CPAMD8: variants seen among roughly 807,000 people sequenced by gnomAD.
The protein encoded by CPAMD8 is C3 and PZP-like alpha-2-macroglobulin domain-containing protein 8.
In CPAMD8, 146 loss-of-function variants were observed where a neutral mutation model predicts 224.7. The observed-to-expected ratio is 0.65, with a 90% CI of 0.57 to 0.75. The LOEUF (loss-of-function observed/expected upper bound fraction) is 0.75, where lower values mean the gene tolerates loss of function less well. CPAMD8 is among the 30% of genes least tolerant of loss of function. The pLI is 0.00. For missense variants in CPAMD8, 2,301 were observed against 2,537.5 expected, an observed-to-expected ratio of 0.91 and a Z score of 2.00; for synonymous variants, 966 against 1,044.6, an observed-to-expected ratio of 0.92 and a Z score of 1.45.
chr19:16,979,447 A>AATCCATCCATTTATCTATC (rs1568556469), intron 14 of CPAMD8, among the ~76,000 whole-genome samples: 3 of 132,890 alleles, frequency 2.3e-5, no homozygotes, highest in African/African-American at 5.3e-5. Flanking sequence ...TCCATCTATC[A>AATCCATCCATTTATCTATC]ATCCACCCAT....
rs797004633 is a variant in CPAMD8, at chr19:16,899,903, T to TTA, written c.4774-355_4774-354insTA. Among the ~76,000 whole-genome samples, 28 of 151,682 alleles carry TTA rather than the reference T, an allele frequency of 1.8e-4. 1 individual carries two copies. The highest frequency in any genetic ancestry group is 6.5e-4 in the African/African-American group (27 of 41,372). On this transcript the variant is annotated intron_variant, in intron 36 of 41. Transcript: ENST00000443236. This position sits in a 1 kb window ranked among gnomAD's most constrained non-coding sequence, Gnocchi z 5.4. Reference sequence around the variant, plus strand: ...AGTTCCCCTCCCAGCCTGGGATTTTTTTTTTTTTTTCAGTTTTTGATTTAA... The same window carrying TTA: ...AGTTCCCCTCCCAGCCTGGGATTTTTTATTTTTTTTTTCAGTTTTTGATTTAA...
chr19:16,921,819 G>T, intron 27 of CPAMD8, 86 bp downstream of exon 27: 1 of 839,146 alleles, frequency 1.2e-6, no homozygotes, highest in East Asian at 2.7e-5. Flanking sequence ...CAGGCGCCAA[G>T]TGATCTGGTC....
intron 3 of CPAMD8, among the ~76,000 whole-genome samples, chr19:17,015,503 C>G (rs1303898325): frequency 6.6e-6 from 1 of 152,162 alleles, no homozygotes; most frequent in African/African-American, 2.4e-5. Flanking sequence ...CCAGCCCTCT[C>G]TCCAGCCACC....
At position 16,970,871 on chromosome 19, in the gene CPAMD8, C is replaced by T; in HGVS notation, c.2213+20G>A. On this transcript the variant is annotated intron_variant, in intron 18 of 41. Transcript: ENST00000443236. ...ATAGGACCAGGGTTAGAAAACCTTG[C>T]TCAATGTATAAGCCGTTACCTGGGG... is the stretch of plus-strand genomic sequence containing the variant. 1.2e-6 allele frequency: 2 copies of T among 1,611,408 alleles called. No individual in the cohort carries two copies. Among genetic ancestry groups the T allele is most frequent in the Non-Finnish European group, 1.7e-6 (2 of 1,178,736 alleles).
At position 16,980,698 on chromosome 19, in the gene CPAMD8, A is replaced by G; in HGVS notation, c.1396-12T>C. ...GCTTCTTCCCCAACCTATGGAAGAC[A>G]CGCAGCATGGGGGGCTCTGCCTCGC... On this transcript the variant is annotated splice_polypyrimidine_tract_variant and intron_variant, in intron 13 of 41. Coordinates refer to ENST00000443236, the MANE Select transcript of CPAMD8 (RefSeq NM_015692.5). 1 of 1,517,570 alleles carries G rather than the reference A, an allele frequency of 6.6e-7. No individual in the cohort carries two copies. The highest frequency in any genetic ancestry group is 8.8e-7 in the Non-Finnish European group (1 of 1,132,702). The allele number at this position is 1,517,570 out of a possible 1,614,324, so 94.0% of individuals were successfully genotyped here.
At chr19:17,009,972 TAC>T (rs2056603251) in intron 5 of CPAMD8, among the ~76,000 whole-genome samples, 1 of 152,142 alleles carries the variant, frequency 6.6e-6, no homozygotes, top group Admixed American at 6.6e-5. Flanking sequence ...GAGACCATCC[TAC>T]CAAGGGGCGT....
In CPAMD8 at chr19:16,902,750, T is replaced by G; in HGVS notation, c.4584A>C (p.Ala1528=). 6.3e-7 allele frequency: 1 copy of G among 1,596,814 alleles called. No individual in the cohort carries two copies. The highest frequency in any genetic ancestry group is 8.6e-7 in the Non-Finnish European group (1 of 1,167,974). Reference sequence around the variant, plus strand: ...GCCAGTCTCCTCGGGAACCCTCAGCTGCGGAGGCAGGCATGGGGGGCGGGC... The same window carrying G: ...GCCAGTCTCCTCGGGAACCCTCAGCGGCGGAGGCAGGCATGGGGGGCGGGC... ...QGRPPPMPAS[A]AEGSRGDWPP... is the part of the protein sequence containing the mutation. Residue 1528 remains alanine, a synonymous_variant, in exon 35 of 42, where the codon GCA becomes GCC. Coordinates refer to ENST00000443236, the MANE Select transcript of CPAMD8 (RefSeq NM_015692.5).
At chr19:17,022,901 C>G (rs567712729) in intron 1 of CPAMD8, among the ~76,000 whole-genome samples, 20 of 152,034 alleles carry the variant, frequency 1.3e-4, no homozygotes, top group African/African-American at 4.8e-4. Flanking sequence ...CACGGTGCAC[C>G]CCGTCCCCCA....
rs2052316249 is a variant in CPAMD8 at position 16,902,808 on chromosome 19, A to G, written c.4526T>C (p.Leu1509Pro). Residue 1509 changes from leucine to proline, a missense_variant, in exon 35 of 42, where the codon CTC (leucine) becomes CCC (proline). Leu to Pro is a moderately conservative substitution (Grantham distance 98). Coordinates refer to ENST00000443236, the MANE Select transcript of CPAMD8 (RefSeq NM_015692.5). Reference sequence around the variant, plus strand: ...GGCCTCAGGCTCCTGGAGGCTTACGAGCAGCTGGAAAGCTGGCTTGGCCAC... The same window carrying G: ...GGCCTCAGGCTCCTGGAGGCTTACGGGCAGCTGGAAAGCTGGCTTGGCCAC... ...DPVAKPAFQL[L>P]VSLQEPEAQG... The G allele has an allele frequency of 8.9e-6, 14 of 1,572,656 alleles. No homozygotes were observed. The highest frequency in any genetic ancestry group is 1.2e-5 in the Non-Finnish European group (14 of 1,155,778).
intron 23 of CPAMD8, among the ~76,000 whole-genome samples, chr19:16,933,182 A>T (rs111389592): frequency 2.4e-4 from 37 of 152,340 alleles, no homozygotes; most frequent in African/African-American, 8.4e-4. Flanking sequence ...CTTGCATGGT[A>T]ATCCAAAATT....
intron 7 of CPAMD8, among the ~76,000 whole-genome samples, chr19:17,008,257 A>G (rs1200560900): frequency 6.6e-6 from 1 of 152,210 alleles, no homozygotes; most frequent in South Asian, 2.1e-4. Flanking sequence ...AGTCCTGGGC[A>G]TAGAGAAACG....
rs1599641898 is a variant in CPAMD8, at chr19:16,896,637, G to C, written c.5094C>G (p.Ala1698=). The C allele has an allele frequency of 6.8e-7, 1 of 1,480,572 alleles. No homozygotes were observed. The highest frequency in any genetic ancestry group is 8.9e-7 in the Non-Finnish European group (1 of 1,119,660). 91.7% of individuals were successfully genotyped at this position (1,480,572 alleles called of 1,614,324 possible). Residue 1698 remains alanine (A), a synonymous_variant, in exon 40 of 42, where the codon GCC becomes GCG. Transcript: ENST00000443236. The part of the protein sequence containing the change: ...PGWFPGESGP[A]VAPEEGAAIA... ...TCGCCGCCCCCTCCTCAGGGGCCAC[G>C]GCAGGGCCCGACTCGCCGGGGAACC...
In CPAMD8 at chr19:16,929,073, GC is replaced by G. The variant is rs750161916; in HGVS notation, c.3012del (p.His1005IlefsTer127). On this transcript the variant is annotated frameshift_variant, in exon 24 of 42. Coordinates refer to ENST00000443236, the MANE Select transcript of CPAMD8 (RefSeq NM_015692.5). LOFTEE classifies it high-confidence loss of function. ...GAGATCCATGACCTGGTGTTCTGAT[GC>G]CCCCCCAGGACGATCTCGATCATGC... ...TAGMIEIVLG[G>X]HQNTRSWIST... 3.1e-6 allele frequency: 5 copies of G among 1,613,622 alleles called. No individual in the cohort carries two copies. Among genetic ancestry groups the G allele is most frequent in the East Asian group, 2.2e-5 (1 of 44,878 alleles).
intron 29 of CPAMD8, among the ~76,000 whole-genome samples, chr19:16,910,012 TGGC>T (rs1345358889): frequency 7.8e-6 from 1 of 127,484 alleles, no homozygotes; most frequent in Non-Finnish European, 1.7e-5. Context: ...CCATGGTGCC[TGGC>T]TGATTTTTGT....
Position 17,008,501 on chromosome 19 carries a change from T to C in CPAMD8, c.559+4A>G, listed in dbSNP as rs1177706887. ...GCCCCCAAGCCGCAGAGGAAGAAACTTACCGCAGCAGAACGGCTTTAAGTG... is the reference window on the plus strand; with the variant it reads ...GCCCCCAAGCCGCAGAGGAAGAAACCTACCGCAGCAGAACGGCTTTAAGTG... On this transcript the variant is annotated splice_donor_region_variant and intron_variant, in intron 7 of 41. Transcript: ENST00000443236. 2 of 1,612,722 alleles carry C rather than the reference T, an allele frequency of 1.2e-6. No individual in the cohort carries two copies. The highest frequency in any genetic ancestry group is 1.7e-6 in the Non-Finnish European group (2 of 1,180,024).
Position 16,902,790 on chromosome 19 carries a change from G to A in CPAMD8, c.4544C>T (p.Pro1515Leu), listed in dbSNP as rs781571893. Residue 1515 changes from proline (P) to leucine (L), a missense_variant, in exon 35 of 42, where the codon CCT becomes CTT. By Grantham distance (98) the Pro-to-Leu change is moderately conservative. This residue lies in a region of CPAMD8 where 1,709 missense variants were observed against 1,753.2 expected (regional missense o/e 0.97). Coordinates refer to ENST00000443236, the MANE Select transcript of CPAMD8 (RefSeq NM_015692.5). ...AFQLLVSLQE[P>L]EAQGRPPPMP... is the part of the protein sequence containing the mutation. Reference sequence around the variant, plus strand: ...GGGGGGCGGGCGTCCCTGGGCCTCAGGCTCCTGGAGGCTTACGAGCAGCTG... The same window carrying A: ...GGGGGGCGGGCGTCCCTGGGCCTCAAGCTCCTGGAGGCTTACGAGCAGCTG... 1.3e-6 allele frequency: 2 copies of A among 1,582,946 alleles called. No homozygotes were observed. The highest frequency in any genetic ancestry group is 1.7e-6 in the Non-Finnish European group (2 of 1,160,770).
At chr19:16,999,532 C>A (rs1162940714) in intron 10 of CPAMD8, among the ~76,000 whole-genome samples, 3 of 150,686 alleles carry the variant, frequency 2.0e-5, no homozygotes, top group Non-Finnish European at 4.4e-5. Flanking sequence ...TTGCAGTGAG[C>A]CGAGATCACG....
chr19:16,987,179 A>ATATATATATATAT (rs1169938247), intron 13 of CPAMD8, among the ~76,000 whole-genome samples: 1 of 53,916 alleles, frequency 1.9e-5, no homozygotes, highest in Non-Finnish European at 2.9e-5. Context: ...AAAAAAAAAA[A>ATATATATATATAT]ATATATATAT....
intron 26 of CPAMD8, among the ~76,000 whole-genome samples, chr19:16,923,959 C>CA (rs113977173): frequency 0.011 from 1,392 of 127,640 alleles, 12 homozygotes; most frequent in East Asian, 0.052. Flanking sequence ...CTAGCTCTTA[C>CA]AAAAAAAAAA....
Sources: gnomAD v4.1 joint callset for allele counts (sites outside exome capture counted in the v4.1 genomes callset) on GRCh38, gnomAD v4.1.1 for gene constraint, gnomAD v4.1.1 regional missense constraint, Gnocchi (gnomAD v3.1) non-coding constraint, MANE v1.5 for transcripts, NCBI Gene and HGNC (gene_info 2026-07-23, HGNC 2026-07-21) for gene names.